Variants in GCN1 observed in about 807,000 individuals in gnomAD.
The protein encoded by GCN1 is stalled ribosome sensor GCN1.
Under a neutral mutation model 288.4 loss-of-function variants are expected in GCN1, and 90 were observed. The ratio of observed to expected loss-of-function variants is 0.31; its 90% CI spans 0.26 to 0.37. The LOEUF is 0.37. Among genes scored for constraint, GCN1 ranks in the 10% least tolerant of loss-of-function variants. The pLI, the probability that GCN1 is intolerant of heterozygous loss-of-function variation, is 1.00. For synonymous variants in GCN1, 1,386 were observed against 1,420.2 expected, an observed-to-expected ratio of 0.98 and a Z score of 0.54; for missense variants, 2,586 against 3,419.9, an observed-to-expected ratio of 0.76 and a Z score of 6.08.
Position 120,138,382 on chromosome 12 carries a change from C to T in GCN1, c.6190G>A (p.Gly2064Ser). 1 of 1,611,716 alleles carries T rather than the reference C, an allele frequency of 6.2e-7. No homozygotes were observed. Among genetic ancestry groups the T allele is most frequent in the Non-Finnish European group, 8.5e-7 (1 of 1,177,788 alleles). The change falls in exon 47 of 58, where the codon GGT (glycine) becomes AGT (serine). Residue 2064 changes from glycine (G) to serine (S), a missense_variant. Coordinates refer to ENST00000300648, the MANE Select transcript of GCN1 (RefSeq NM_006836.2). ...TTAATAGCCATGACTTGCTTCAGAC[C>T]ATCCAAGGCAAACTCTGACACCTCC... ...DEEVSEFALDGLKQVMAIKSR... is the reference protein window; with the variant it reads ...DEEVSEFALDSLKQVMAIKSR...
At chr12:120,183,017 A>G (rs1188008267) in intron 5 of GCN1, among the ~76,000 whole-genome samples, 1 of 151,848 alleles carries the variant, frequency 6.6e-6, no homozygotes, top group Non-Finnish European at 1.5e-5. Flanking sequence ...ACCCAGGCAC[A>G]TGTCTGCTCT....
Position 120,134,854 on chromosome 12 carries a change from G to T in GCN1, c.7009-128C>A. On this transcript the variant is annotated intron_variant, in intron 51 of 57. Transcript: ENST00000300648. The surrounding 1 kb of genome is among the most constrained non-coding windows in gnomAD (Gnocchi z 5.0). The stretch of plus-strand genomic sequence containing the variant: ...AGTCCAGCTCTCATACAGGGCTGGG[G>T]ACAGATAGCCCGTCAGAGAGGCCAA... The T allele has an allele frequency of 1.3e-6, 1 of 764,678 alleles. No individual in the cohort carries two copies. The allele number at this position is 764,678 out of a possible 1,614,324, so 47.4% of individuals were successfully genotyped here. A position where few individuals can be genotyped will look rare whatever the true frequency, so the allele number is the denominator to read the frequency against.
rs201869127 is a variant in GCN1 at position 120,146,698 on chromosome 12, G to GCAAA, written c.4947+350_4947+353dup. Among the ~76,000 whole-genome samples, 8 of 152,282 alleles carry GCAAA rather than the reference G, an allele frequency of 5.3e-5. No homozygotes were observed. In the South Asian group the frequency reaches 1.0e-3, roughly 20 times the overall value. ...AGATCACACATGCAAGCTCTTGGGA[G>GCAAA]CAAACAAACAAACAAACAAAATCTC... is the stretch of plus-strand genomic sequence containing the variant. On this transcript the variant is annotated intron_variant, in intron 38 of 57. Transcript: ENST00000300648.
chr12:120,146,420 C>T (rs921649105), intron 38 of GCN1, among the ~76,000 whole-genome samples: 2 of 151,878 alleles, frequency 1.3e-5, no homozygotes, highest in African/African-American at 2.4e-5. Context: ...GGTATTATCA[C>T]GGCGGTATTA....
chr12:120,142,333 TAAATA>T lies in GCN1; in HGVS notation c.5829+169_5829+173del, dbSNP rs1444193831. ...AGAGCAAGACTCCACCTCAAAAAAA[TAAATA>T]AAATAAAATTAATCAAAAAATATTT... On this transcript the variant is annotated intron_variant, in intron 44 of 57. Transcript: ENST00000300648. The surrounding 1 kb of genome is among the most constrained non-coding windows in gnomAD (Gnocchi z 4.9). 1.3e-5 allele frequency among the ~76,000 whole-genome samples: 2 copies of T among 151,948 alleles called. No individual in the cohort carries two copies.
Position 120,178,767 on chromosome 12 carries a change from G to C in GCN1, c.526-8C>G, listed in dbSNP as rs1325960692. Reference sequence around the variant, plus strand: ...TTCCACCAGCCCGGGGTTCTGAAGAGGAAAGTGCCAGGCAGGTGTTTAAGA... The same window carrying C: ...TTCCACCAGCCCGGGGTTCTGAAGACGAAAGTGCCAGGCAGGTGTTTAAGA... On this transcript the variant is annotated splice_region_variant and splice_polypyrimidine_tract_variant and intron_variant, in intron 6 of 57. Transcript: ENST00000300648. The C allele has an allele frequency of 6.8e-6, 11 of 1,614,246 alleles. No homozygotes were observed. The highest frequency in any genetic ancestry group is 2.2e-5 in the East Asian group (1 of 44,892).
chr12:120,147,259 GAC>G lies in GCN1; in HGVS notation c.4738_4739del (p.Val1580ProfsTer29). On this transcript the variant is annotated frameshift_variant, in exon 38 of 58. Coordinates refer to ENST00000300648, the MANE Select transcript of GCN1 (RefSeq NM_006836.2). LOFTEE classifies it high-confidence loss of function. The stretch of plus-strand genomic sequence containing the variant: ...AGGGATCCGTCAGGGCATCCAGGAG[GAC>G]TGGAGCAATGGCTGCACATCCAAAG... ...RNPEILAIAP[V>X]LLDALTDPSR... 1 of 1,596,838 alleles carries G rather than the reference GAC, an allele frequency of 6.3e-7. No homozygotes were observed. The highest frequency in any genetic ancestry group is 8.6e-7 in the Non-Finnish European group (1 of 1,167,464).
At chr12:120,147,029 A>C (rs766415148) in intron 38 of GCN1, 23 bp downstream of exon 38, 1 of 1,458,988 alleles carries the variant, frequency 6.9e-7, no homozygotes, top group Non-Finnish European at 9.3e-7. Context: ...TCTATCCCAC[A>C]CTAGCCTCAG....
At chr12:120,173,513 A>G (rs1878374446) in intron 14 of GCN1, 140 bp downstream of exon 14, 6 of 632,778 alleles carry the variant, frequency 9.5e-6, no homozygotes, top group Non-Finnish European at 1.1e-5. Context: ...GCTAAGCCCA[A>G]TGCTCTCATT....
chr12:120,178,526 A>T, intron 7 of GCN1, 99 bp downstream of exon 7: 1 of 1,210,414 alleles, frequency 8.3e-7, no homozygotes, highest in Non-Finnish European at 1.2e-6. Flanking sequence ...GTCAACAGCT[A>T]GGGTCACCAG....
At position 120,160,263 on chromosome 12, in the gene GCN1, G is replaced by A; in HGVS notation, c.2437-8C>T. On this transcript the variant is annotated splice_region_variant and splice_polypyrimidine_tract_variant and intron_variant, in intron 22 of 57. Transcript: ENST00000300648. ...TTTCTTCTTCTTTATCTCCTAAAGA[G>A]GATGGGCAAACCAACCAATCCCATC... The A allele has an allele frequency of 1.3e-6, 2 of 1,591,644 alleles. No homozygotes were observed.
intron 15 of GCN1, among the ~76,000 whole-genome samples, chr12:120,168,882 A>G (rs1029996729): frequency 1.3e-5 from 2 of 152,230 alleles, no homozygotes; most frequent in African/African-American, 4.8e-5. Flanking sequence ...TCCCCCAGGT[A>G]GCCCAGTGCC....
In GCN1 at chr12:120,144,803, C is replaced by A; in HGVS notation, c.5188G>T (p.Glu1730Ter). ...TCTGGCATCAACTTCTCCAACTTCT[C>A]CACCCCCAAACCGGCCATGACCTCA... is the stretch of plus-strand genomic sequence containing the variant. ...LAEVMAGLGV[E>*]KLEKLMPEIV... The change falls in exon 41 of 58, where the codon GAG becomes TAG. Residue 1730 changes from glutamate (E) to a stop codon, truncating the protein, a stop_gained. Coordinates refer to ENST00000300648, the MANE Select transcript of GCN1 (RefSeq NM_006836.2). LOFTEE classifies it high-confidence loss of function. This position sits in a 1 kb window ranked among gnomAD's most constrained non-coding sequence, Gnocchi z 4.7. 1 of 1,614,202 alleles carries A rather than the reference C, an allele frequency of 6.2e-7. No individual in the cohort carries two copies. The highest frequency in any genetic ancestry group is 8.5e-7 in the Non-Finnish European group (1 of 1,180,020).
chr12:120,173,461 G>A (rs1305879558), intron 14 of GCN1, among the ~76,000 whole-genome samples, 192 bp downstream of exon 14: 1 of 152,244 alleles, frequency 6.6e-6, no homozygotes, highest in African/African-American at 2.4e-5. Context: ...TGACAAGGGG[G>A]AGAAGCCAGA....
rs766447011 is a variant in GCN1, at chr12:120,144,785, TCAACTTCTC to T, written c.5197_5205del (p.Glu1733_Leu1735del). ...CTGGCTGTAGCCACGATTTCTGGCA[TCAACTTCTC>T]CAACTTCTCCACCCCCAAACCGGCC... On this transcript the variant is annotated inframe_deletion, in exon 41 of 58. Transcript: ENST00000300648. The surrounding 1 kb of genome is among the most constrained non-coding windows in gnomAD (Gnocchi z 4.7). 4 of 1,614,166 alleles carry T rather than the reference TCAACTTCTC, an allele frequency of 2.5e-6. No individual in the cohort carries two copies. The highest frequency in any genetic ancestry group is 2.5e-6 in the Non-Finnish European group (3 of 1,180,000).
intron 38 of GCN1, among the ~76,000 whole-genome samples, chr12:120,145,572 C>A (rs188991010): frequency 6.6e-6 from 1 of 152,344 alleles, no homozygotes; most frequent in East Asian, 1.9e-4. Flanking sequence ...CCATCCTCAA[C>A]AAACAGGAGT....
chr12:120,173,023 A>G (rs529209043), intron 14 of GCN1, among the ~76,000 whole-genome samples: 1 of 151,922 alleles, frequency 6.6e-6, no homozygotes, highest in South Asian at 2.1e-4. Context: ...AGTCCAGAGT[A>G]AAGTTTACAC....
rs996658992 is a variant in GCN1, at chr12:120,158,205, A to G, written c.2906-175T>C. ...CAGCTGGTAGTCCAGTTCTAAAACC[A>G]ATTCTGCTTCTACTGCCAAACACTG... On this transcript the variant is annotated intron_variant, in intron 25 of 57. Transcript: ENST00000300648. The surrounding 1 kb of genome is among the most constrained non-coding windows in gnomAD (Gnocchi z 4.3). 1.3e-5 allele frequency among the ~76,000 whole-genome samples: 2 copies of G among 152,190 alleles called. No individual in the cohort carries two copies. The highest frequency in any genetic ancestry group is 1.5e-5 in the Non-Finnish European group (1 of 68,040).
chr12:120,176,051 G>A (rs773135243), intron 10 of GCN1, 92 bp downstream of exon 10: 10 of 1,248,636 alleles, frequency 8.0e-6, no homozygotes, highest in Middle Eastern at 1.9e-4. Context: ...TTACTACCCT[G>A]AGCTGTCCCC....
Sources: allele counts gnomAD v4.1 joint callset (sites outside exome capture counted in the v4.1 genomes callset), GRCh38; gene constraint gnomAD v4.1.1; non-coding constraint Gnocchi (gnomAD v3.1); transcripts MANE v1.5; gene names NCBI Gene and HGNC (gene_info 2026-07-23, HGNC 2026-07-21).